NCAPD2: variants seen among roughly 807,000 people sequenced by gnomAD.
The protein encoded by NCAPD2 is non-SMC condensin I complex subunit D2.
NCAPD2 carries 100 observed loss-of-function variants against 164.5 expected under a neutral mutation model. That is an observed-to-expected ratio of 0.61 (90% confidence interval 0.52 to 0.72). NCAPD2 has a LOEUF of 0.72. NCAPD2 is among the 30% of genes least tolerant of loss of function. The pLI is 0.00. For missense variants in NCAPD2, 1,560 were observed against 1,749.2 expected (o/e 0.89, Z 1.93); for synonymous variants, 585 against 642.6 (o/e 0.91, Z 1.36).
chr12:6,503,020 T>C (rs533989114), intron 2 of NCAPD2, among the ~76,000 whole-genome samples: 1 of 146,360 alleles, frequency 6.8e-6, no homozygotes, highest in East Asian at 2.0e-4. Context: ...TTTTTTTTTT[T>C]TTTTTTTTTG....
At chr12:6,507,615 T>C (rs1393365919) in intron 2 of NCAPD2, among the ~76,000 whole-genome samples, 1 of 151,994 alleles carries the variant, frequency 6.6e-6, no homozygotes, top group Non-Finnish European at 1.5e-5. Context: ...GGTGGGCACA[T>C]AAGGGAGAGA....
chr12:6,507,204 T>C (rs1592167645), intron 2 of NCAPD2, among the ~76,000 whole-genome samples: 1 of 152,322 alleles, frequency 6.6e-6, no homozygotes, highest in Non-Finnish European at 1.5e-5. Flanking sequence ...CTTGAACTCC[T>C]GGGCCCAAGC....
rs565447246 is a variant in NCAPD2, at chr12:6,509,372, C to T, written c.128-345C>T. ...CACCTCTTGGGTTCAAGCAATTCTC[C>T]TGCCTCAGCCTCCCTAGTAGCTGGG... is the stretch of plus-strand genomic sequence containing the variant. On this transcript the variant is annotated intron_variant, in intron 2 of 31. Coordinates refer to ENST00000315579, the MANE Select transcript of NCAPD2 (RefSeq NM_014865.4). Among the ~76,000 whole-genome samples the T allele has an allele frequency of 2.0e-4, 30 of 152,264 alleles. No individual in the cohort carries two copies. In the East Asian group the frequency reaches 5.0e-3, roughly 25 times the overall value.
chr12:6,522,510 G>A (rs909337669), intron 15 of NCAPD2, among the ~76,000 whole-genome samples: 3 of 151,940 alleles, frequency 2.0e-5, no homozygotes, highest in South Asian at 2.1e-4. Flanking sequence ...GCTTGAGCCC[G>A]GGAGTTTGAG....
At chr12:6,518,504 GT>G (rs56183938) in intron 13 of NCAPD2, among the ~76,000 whole-genome samples, 35 of 44,776 alleles carry the variant, frequency 7.8e-4, no homozygotes, top group Admixed American at 3.0e-3. Flanking sequence ...CCGTCAACAA[GT>G]TTTTTTTTTT....
Position 6,528,542 on chromosome 12 carries a change from T to G in NCAPD2, c.3300-137T>G. ...TCACCTCTTTCCCCCACTCCAGCTT[T>G]CAACTCTAGACAGCTTTCTGACTGC... On this transcript the variant is annotated intron_variant, in intron 25 of 31. Transcript: ENST00000315579. This position sits in a 1 kb window ranked among gnomAD's most constrained non-coding sequence, Gnocchi z 5.1. The G allele has an allele frequency of 8.3e-7, 1 of 1,208,212 alleles. No individual in the cohort carries two copies. The highest frequency in any genetic ancestry group is 1.2e-6 in the Non-Finnish European group (1 of 864,020). The allele number at this position is 1,208,212 out of a possible 1,614,324, so 74.8% of individuals were successfully genotyped here.
intron 5 of NCAPD2, 26 bp from the exon 6 acceptor site, chr12:6,511,084 C>T: frequency 1.2e-6 from 2 of 1,605,192 alleles, no homozygotes; most frequent in Non-Finnish European, 8.5e-7. Context: ...TTATTTTTTC[C>T]TCAATGTATA....
At chr12:6,498,034 C>T (rs536769865) in intron 2 of NCAPD2, among the ~76,000 whole-genome samples, 3 of 152,090 alleles carry the variant, frequency 2.0e-5, no homozygotes, top group East Asian at 3.9e-4. Context: ...CTCAGCCGCC[C>T]GAGTAGCTGG....
At chr12:6,526,019 A>T (rs754267427) in intron 18 of NCAPD2, 49 bp from the exon 19 acceptor site, 1 of 1,602,372 alleles carries the variant, frequency 6.2e-7, no homozygotes, top group Non-Finnish European at 8.5e-7. Context: ...TTCTCCCCCG[A>T]TGAGTCCAAT....
At chr12:6,508,388 G>C (rs1286876397) in intron 2 of NCAPD2, among the ~76,000 whole-genome samples, 2 of 152,144 alleles carry the variant, frequency 1.3e-5, no homozygotes, top group Non-Finnish European at 2.9e-5. Flanking sequence ...CAAGTTGAAG[G>C]AGATCGCAGA....
chr12:6,518,503 A>ATTTTTTTTTTTTTTTTTT (rs1565544079), intron 13 of NCAPD2, among the ~76,000 whole-genome samples: 1 of 30,708 alleles, frequency 3.3e-5, no homozygotes, highest in Non-Finnish European at 5.9e-5. Flanking sequence ...GCCGTCAACA[A>ATTTTTTTTTTTTTTTTTT]GTTTTTTTTT....
rs1946319342 is a variant in NCAPD2 at position 6,526,480 on chromosome 12, T to C, written c.2599T>C (p.Phe867Leu). ...FVHPDPLWIP[F>L]KEVAVTLIYQ... ...CCACCCAGACCCACTCTGGATCCCATTCAAAGAGGTGGCAGTGACCCTCAT... is the reference window on the plus strand; with the variant it reads ...CCACCCAGACCCACTCTGGATCCCACTCAAAGAGGTGGCAGTGACCCTCAT... The change falls in exon 21 of 32, where the codon TTC becomes CTC. Residue 867 changes from phenylalanine (F) to leucine (L), a missense_variant. Physicochemically the swap from Phe to Leu is conservative, Grantham distance 22. Coordinates refer to ENST00000315579, the MANE Select transcript of NCAPD2 (RefSeq NM_014865.4). The C allele has an allele frequency of 8.1e-6, 13 of 1,614,076 alleles. No homozygotes were observed. Among genetic ancestry groups the C allele is most frequent in the Non-Finnish European group, 1.1e-5 (13 of 1,179,994 alleles).
In NCAPD2 at chr12:6,529,940, G is replaced by A; in HGVS notation, c.3819G>A (p.Gly1273=). ...FLSVVGKLRR[G]AKPEGKAIID... is the part of the protein sequence containing the mutation. The stretch of plus-strand genomic sequence containing the variant: ...CAGTTGTAGGCAAGCTGCGACGTGG[G>A]GCCAAGCCTGAGGGCAAGGTGAGCA... The change falls in exon 29 of 32, where the codon GGG becomes GGA. Residue 1273 remains glycine, a synonymous_variant. Coordinates refer to ENST00000315579, the MANE Select transcript of NCAPD2 (RefSeq NM_014865.4). 1 of 1,613,718 alleles carries A rather than the reference G, an allele frequency of 6.2e-7. No homozygotes were observed. The highest frequency in any genetic ancestry group is 1.1e-5 in the South Asian group (1 of 91,028).
intron 21 of NCAPD2, 82 bp downstream of exon 21, chr12:6,526,697 T>A: frequency 6.5e-7 from 1 of 1,536,506 alleles, no homozygotes; most frequent in South Asian, 1.2e-5. Context: ...ACCACCACTA[T>A]CTGCAACAAC....
At chr12:6,511,310 T>C in intron 6 of NCAPD2, 58 bp downstream of exon 6, 2 of 1,565,692 alleles carry the variant, frequency 1.3e-6, no homozygotes, top group Non-Finnish European at 1.7e-6. Context: ...GCTCTGTTGA[T>C]AGATATGCCG....
Position 6,501,227 on chromosome 12 carries a change from A to ATTTTT in NCAPD2, c.127+6030_127+6034dup, listed in dbSNP as rs71067121. 1.6e-4 allele frequency among the ~76,000 whole-genome samples: 11 copies of ATTTTT among 69,214 alleles called. 1 individual carries two copies. Among genetic ancestry groups the ATTTTT allele is most frequent in the Non-Finnish European group, 2.7e-4 (11 of 40,956 alleles). 45.4% of individuals were successfully genotyped at this position (69,214 alleles called of 152,430 possible). The stretch of plus-strand genomic sequence containing the variant: ...AGGTGTGCACCACCACGCCTGGCTA[A>ATTTTT]TTTTTTTTTTTTTTTTTTTTTTTTT... On this transcript the variant is annotated intron_variant, in intron 2 of 31. Coordinates refer to ENST00000315579, the MANE Select transcript of NCAPD2 (RefSeq NM_014865.4).
rs1050945534 is a variant in NCAPD2 at position 6,520,071 on chromosome 12, T to A, written c.1590-915T>A. 3.3e-5 allele frequency among the ~76,000 whole-genome samples: 5 copies of A among 151,196 alleles called. No individual in the cohort carries two copies. In the East Asian group the frequency reaches 5.8e-4, roughly 18 times the overall value. On this transcript the variant is annotated intron_variant, in intron 13 of 31. Coordinates refer to ENST00000315579, the MANE Select transcript of NCAPD2 (RefSeq NM_014865.4). ...TGGCACGTACCTGTAATCCTAGCTA[T>A]TTGGGGAGCTGAGGCATGAGAATCA... is the stretch of plus-strand genomic sequence containing the variant.
At chr12:6,526,795 C>T in intron 21 of NCAPD2, 96 bp from the exon 22 acceptor site, 1 of 1,468,692 alleles carries the variant, frequency 6.8e-7, no homozygotes, top group Non-Finnish European at 9.3e-7. Flanking sequence ...GTTTGAATAG[C>T]ACGTGAGCAA....
intron 2 of NCAPD2, 146 bp downstream of exon 2, chr12:6,495,371 A>G: frequency 1.0e-6 from 1 of 990,070 alleles, no homozygotes; most frequent in Non-Finnish European, 1.5e-6. Context: ...TTTTATCCTA[A>G]AATTGCATGG....
Sources: gnomAD v4.1 joint callset for allele counts (sites outside exome capture counted in the v4.1 genomes callset) on GRCh38, gnomAD v4.1.1 for gene constraint, Gnocchi (gnomAD v3.1) non-coding constraint, MANE v1.5 for transcripts, NCBI Gene and HGNC (gene_info 2026-07-23, HGNC 2026-07-21) for gene names.